NTMT2: variants seen among roughly 807,000 people sequenced by gnomAD.
The protein encoded by NTMT2 is N-terminal Xaa-Pro-Lys N-methyltransferase 2.
A neutral mutation model predicts 23.4 loss-of-function variants in NTMT2; 21 were observed. The ratio of observed to expected loss-of-function variants is 0.90; its 90% confidence interval spans 0.64 to 1.29. The LOEUF (loss-of-function observed/expected upper bound fraction) is 1.29. Among genes scored for constraint, NTMT2 ranks in the 50% most tolerant of loss-of-function variants. The pLI, the probability that NTMT2 is intolerant of heterozygous loss-of-function variation, is 0.00. For missense variants in NTMT2, 336 were observed against 352.0 expected (o/e 0.95, Z 0.36); for synonymous variants, 131 against 127.7 (o/e 1.03, Z -0.17).
intron 1 of NTMT2, among the ~76,000 whole-genome samples, chr1:170,157,020 C>T (rs941718650): frequency 6.6e-6 from 1 of 150,854 alleles, no homozygotes; most frequent in Non-Finnish European, 1.5e-5. Flanking sequence ...TAGCATCCAA[C>T]CCTGGGCAGC....
rs1435965717 is a variant in NTMT2 at position 170,146,016 on chromosome 1, T to A, written c.-92T>A. On this transcript the variant is annotated 5_prime_UTR_variant, in exon 1 of 4. Transcript: ENST00000439373. ...AGAGGGGACTGGTTTAAAATGACAG[T>A]CTCAAGTTCATTTAGAAAGAGAAGG... 15 of 1,245,422 alleles carry A rather than the reference T, an allele frequency of 1.2e-5. No individual in the cohort carries two copies. The highest frequency in any genetic ancestry group is 1.5e-5 in the Non-Finnish European group (14 of 906,298). The allele number at this position is 1,245,422 out of a possible 1,614,324, so 77.1% of individuals were successfully genotyped here.
chr1:170,152,943 C>T (rs1673099097), intron 1 of NTMT2, among the ~76,000 whole-genome samples: 1 of 152,062 alleles, frequency 6.6e-6, no homozygotes, highest in Non-Finnish European at 1.5e-5. Context: ...GTGTTTGGGT[C>T]ATGAAGATGG....
chr1:170,149,711 T>C (rs1157164351), intron 1 of NTMT2, among the ~76,000 whole-genome samples: 2 of 152,230 alleles, frequency 1.3e-5, no homozygotes, highest in African/African-American at 4.8e-5. Context: ...ATAATTTTTC[T>C]TAAAACTACA....
chr1:170,156,894 G>T (rs1245071849), intron 1 of NTMT2, among the ~76,000 whole-genome samples: 1 of 152,090 alleles, frequency 6.6e-6, no homozygotes, highest in Non-Finnish European at 1.5e-5. Context: ...TAGATTAAGG[G>T]TTTTAATAGA....
rs760119472 is a variant in NTMT2, at chr1:170,160,540, C to T, written c.177C>T (p.Ser59=). 2.7e-5 allele frequency: 42 copies of T among 1,540,972 alleles called. No individual in the cohort carries two copies. The highest frequency in any genetic ancestry group is 8.3e-5 in the Admixed American group (4 of 48,084). The change falls in exon 2 of 4, where the codon AGC becomes AGT. Residue 59 remains serine, a synonymous_variant. Coordinates refer to ENST00000439373, the MANE Select transcript of NTMT2 (RefSeq NM_001136107.2). Reference sequence around the variant, plus strand: ...CAGTGAAATTGTACGCTTTAACAAGCCAAGTCATCAATGGTGAGATGCAGT... The same window carrying T: ...CAGTGAAATTGTACGCTTTAACAAGTCAAGTCATCAATGGTGAGATGCAGT... ...IPLVKLYALT[S]QVINGEMQFY...
rs936527197 is a variant in NTMT2 at position 170,167,702 on chromosome 1, C to A, written c.797C>A (p.Pro266Gln). 8 of 1,551,432 alleles carry A rather than the reference C, an allele frequency of 5.2e-6. No individual in the cohort carries two copies. The highest frequency in any genetic ancestry group is 7.0e-6 in the Non-Finnish European group (8 of 1,146,926). Reference protein sequence around the residue: ...VLGQEKQDGFPEQCIPVWMFA... With the variant: ...VLGQEKQDGFQEQCIPVWMFA... The stretch of plus-strand genomic sequence containing the variant: ...GGCCAGGAGAAGCAGGATGGCTTCC[C>A]AGAGCAGTGCATCCCCGTGTGGATG... Residue 266 changes from proline (P) to glutamine (Q), a missense_variant, in exon 4 of 4, where the codon CCA (proline) becomes CAA (glutamine). Transcript: ENST00000439373.
rs368738835 is a variant in NTMT2 at position 170,168,331 on chromosome 1, G to T, written c.*574G>T. Among the ~76,000 whole-genome samples, 1 of 150,080 alleles carries T rather than the reference G, an allele frequency of 6.7e-6. No homozygotes were observed. The highest frequency in any genetic ancestry group is 2.5e-5 in the African/African-American group (1 of 40,746). On this transcript the variant is annotated 3_prime_UTR_variant, in exon 4 of 4. Transcript: ENST00000439373. ...AGTATTATAGAGTATTCTGGTGGGG[G>T]TGGGGGTAGGAGAAAATCTACACTC...
chr1:170,152,673 T>C (rs1365985943), intron 1 of NTMT2, among the ~76,000 whole-genome samples: 1 of 152,044 alleles, frequency 6.6e-6, no homozygotes, highest in East Asian at 1.9e-4. Flanking sequence ...TCCTGGCACA[T>C]TTAAACCTTG....
At chr1:170,148,027 C>T (rs546259863) in intron 1 of NTMT2, among the ~76,000 whole-genome samples, 58 of 152,004 alleles carry the variant, frequency 3.8e-4, no homozygotes, top group African/African-American at 1.4e-3. Context: ...CAAAATATTC[C>T]ACTGACGCCC....
chr1:170,158,189 G>A (rs1673201888), intron 1 of NTMT2: 1 of 152,050 alleles, frequency 6.6e-6, no homozygotes, highest in Admixed American at 6.5e-5. Flanking sequence ...AATATTGGTG[G>A]CACTGTGCCA....
rs1203504802 is a variant in NTMT2, at chr1:170,168,189, CAAAT to C, written c.*435_*438del. Among the ~76,000 whole-genome samples the C allele has an allele frequency of 9.0e-5, 11 of 121,554 alleles. No homozygotes were observed. The highest frequency in any genetic ancestry group is 3.5e-4 in the African/African-American group (11 of 31,062). 79.7% of individuals were successfully genotyped at this position (121,554 alleles called of 152,430 possible). ...TCAGCATTCTGTGCATCAAGGAAAA[CAAAT>C]AATTTAGCTTTGGGGGTTGTTCAGA... is the stretch of plus-strand genomic sequence containing the variant. On this transcript the variant is annotated 3_prime_UTR_variant, in exon 4 of 4. Transcript: ENST00000439373.
chr1:170,149,489 A>T (rs1014676254), intron 1 of NTMT2, among the ~76,000 whole-genome samples: 1 of 152,222 alleles, frequency 6.6e-6, no homozygotes, highest in Non-Finnish European at 1.5e-5. Flanking sequence ...CATTCCCATG[A>T]GAGTAAAGAC....
chr1:170,149,494 A>G (rs961879893), intron 1 of NTMT2, among the ~76,000 whole-genome samples: 4 of 152,230 alleles, frequency 2.6e-5, no homozygotes, highest in African/African-American at 7.2e-5. Context: ...CCATGAGAGT[A>G]AAGACTCGCC....
chr1:170,152,152 AC>A (rs1673082288), intron 1 of NTMT2, among the ~76,000 whole-genome samples: 1 of 152,240 alleles, frequency 6.6e-6, no homozygotes, highest in African/African-American at 2.4e-5. Context: ...TGCTAGGATT[AC>A]AAAAAAATAA....
chr1:170,166,426 C>A (rs1397631314), intron 2 of NTMT2, 76 bp from the exon 3 acceptor site: 1 of 1,499,574 alleles, frequency 6.7e-7, no homozygotes. Context: ...CAAGCGTGAG[C>A]CACCGCGCCC....
chr1:170,167,731 G>A lies in NTMT2; in HGVS notation c.826G>A (p.Ala276Thr), dbSNP rs748895385. Residue 276 changes from alanine to threonine, a missense_variant, in exon 4 of 4, where the codon GCA (alanine) becomes ACA (threonine). By Grantham distance (58) the Ala-to-Thr change is moderately conservative. Coordinates refer to ENST00000439373, the MANE Select transcript of NTMT2 (RefSeq NM_001136107.2). ...PEQCIPVWMF[A>T]LHSDRHS ...GCAGTGCATCCCCGTGTGGATGTTC[G>A]CACTGCACAGCGACAGACACTCCTG... 51 of 1,550,962 alleles carry A rather than the reference G, an allele frequency of 3.3e-5. No homozygotes were observed. The highest frequency in any genetic ancestry group is 2.1e-4 in the South Asian group (18 of 84,004).
At chr1:170,152,621 C>T (rs990935307) in intron 1 of NTMT2, among the ~76,000 whole-genome samples, 6 of 152,132 alleles carry the variant, frequency 3.9e-5, no homozygotes, top group Admixed American at 2.0e-4. Context: ...TAGAGGGTTC[C>T]TCTGGGCAAT....
chr1:170,149,598 C>T (rs1673028757), intron 1 of NTMT2, among the ~76,000 whole-genome samples: 1 of 152,120 alleles, frequency 6.6e-6, no homozygotes, highest in African/African-American at 2.4e-5. Context: ...ATTAAATGGC[C>T]TCTTACTAAT....
intron 1 of NTMT2, among the ~76,000 whole-genome samples, chr1:170,147,588 G>C (rs1672990834): frequency 6.6e-6 from 1 of 152,120 alleles, no homozygotes; most frequent in Non-Finnish European, 1.5e-5. Flanking sequence ...TGATGTTCTA[G>C]TCACTTCATA....
Sources: gnomAD v4.1 joint callset for allele counts (sites outside exome capture counted in the v4.1 genomes callset) on GRCh38, gnomAD v4.1.1 for gene constraint, MANE v1.5 for transcripts, NCBI Gene and HGNC (gene_info 2026-07-23, HGNC 2026-07-21) for gene names.